CASZ1: variants seen among roughly 807,000 people sequenced by gnomAD.
The protein encoded by CASZ1 is castor zinc finger 1, also known as zinc finger protein castor homolog 1.
CASZ1 carries 28 observed loss-of-function variants against 135.2 expected under a neutral mutation model. The observed-to-expected ratio is 0.21, with a 90% CI of 0.15 to 0.28. The LOEUF is 0.28. CASZ1 is among the 10% of genes least tolerant of loss of function. The pLI, the probability that CASZ1 is intolerant of heterozygous loss-of-function variation, is 1.00. For missense variants in CASZ1, 2,161 were observed against 2,453.3 expected (o/e 0.88, Z 2.52); for synonymous variants, 1,068 against 1,073.4 (o/e 0.99, Z 0.10).
In CASZ1 at chr1:10,659,774, T is replaced by C. The variant is rs1329360985; in HGVS notation, c.1268A>G (p.Asn423Ser). The change falls in exon 6 of 21, where the codon AAC becomes AGC. Residue 423 changes from asparagine (N) to serine (S), a missense_variant. By Grantham distance (46) the Asn-to-Ser change is conservative. Around this residue, in one of 7 missense-constraint regions of CASZ1, gnomAD observed 590 missense variants for 609.8 expected, o/e 0.97. Coordinates refer to ENST00000377022, the MANE Select transcript of CASZ1 (RefSeq NM_001079843.3). The part of the protein sequence containing the change: ...GPEPPASLSF[N>S]TPEYLKSTFS... ...GGTTGACTTCAGGTACTCGGGAGTG[T>C]TGAAGGACAGGGAGGCAGGAGGCTC... is the stretch of plus-strand genomic sequence containing the variant. The C allele has an allele frequency of 5.0e-6, 8 of 1,613,778 alleles. No individual in the cohort carries two copies. Among genetic ancestry groups the C allele is most frequent in the Non-Finnish European group, 5.9e-6 (7 of 1,179,894 alleles).
chr1:10,771,681 C>T (rs368503857), intron 1 of CASZ1, among the ~76,000 whole-genome samples: 1 of 141,788 alleles, frequency 7.1e-6, no homozygotes, highest in African/African-American at 2.6e-5. Context: ...CCTCCTCCTC[C>T]TCTTCCTCCT....
Position 10,651,060 on chromosome 1 carries a change from G to A in CASZ1, c.2697C>T (p.Val899=). ...ATFDPGSGQQ[V]TPARFPPAQV... is the part of the protein sequence containing the mutation. Reference sequence around the variant, plus strand: ...GGGCCGGGGGGAACCTGGCTGGGGTGACCTGCTGCCCGCTTCCTGCAGGGG... The same window carrying A: ...GGGCCGGGGGGAACCTGGCTGGGGTAACCTGCTGCCCGCTTCCTGCAGGGG... Residue 899 remains valine, a synonymous_variant, in exon 12 of 21, where the codon GTC becomes GTT. Transcript: ENST00000377022. 3.9e-6 allele frequency: 6 copies of A among 1,534,748 alleles called. No homozygotes were observed. Among genetic ancestry groups the A allele is most frequent in the Non-Finnish European group, 5.2e-6 (6 of 1,149,464 alleles).
chr1:10,737,836 G>A (rs1639830248), intron 2 of CASZ1, among the ~76,000 whole-genome samples: 1 of 152,246 alleles, frequency 6.6e-6, no homozygotes, highest in African/African-American at 2.4e-5. Context: ...CCCACTCCAG[G>A]CCTGCTCTTC....
At position 10,724,582 on chromosome 1, in the gene CASZ1, G is replaced by A. The variant is rs1639561950; in HGVS notation, c.-76-19038C>T. ...GAGCCCAGGAATCACCTAGCCCTCA[G>A]GGGTAGGGGCTCAGGGAGTGGGAGC... On this transcript the variant is annotated intron_variant, in intron 2 of 20. Coordinates refer to ENST00000377022, the MANE Select transcript of CASZ1 (RefSeq NM_001079843.3). The surrounding 1 kb of genome is among the most constrained non-coding windows in gnomAD (Gnocchi z 4.1). 6.6e-6 allele frequency among the ~76,000 whole-genome samples: 1 copy of A among 152,204 alleles called. No homozygotes were observed. The highest frequency in any genetic ancestry group is 1.5e-5 in the Non-Finnish European group (1 of 68,028).
In CASZ1 at chr1:10,777,338, C is replaced by T. The variant is rs528084172; in HGVS notation, c.-233-16481G>A. 7.2e-5 allele frequency among the ~76,000 whole-genome samples: 11 copies of T among 152,282 alleles called. No homozygotes were observed. The highest frequency in any genetic ancestry group is 2.4e-4 in the African/African-American group (10 of 41,544). On this transcript the variant is annotated intron_variant, in intron 1 of 20. Coordinates refer to ENST00000377022, the MANE Select transcript of CASZ1 (RefSeq NM_001079843.3). This position sits in a 1 kb window ranked among gnomAD's most constrained non-coding sequence, Gnocchi z 4.4. The stretch of plus-strand genomic sequence containing the variant: ...GGGGCGTCCGAGTCCTGGGCCAGGC[C>T]ACCTCTGACCTCTGTGACTTCACCC...
intron 4 of CASZ1, among the ~76,000 whole-genome samples, chr1:10,681,944 C>T (rs975239574): frequency 6.6e-6 from 1 of 152,214 alleles, no homozygotes; most frequent in Non-Finnish European, 1.5e-5. Context: ...CCCAGTTGTT[C>T]GAACATTTCT....
In CASZ1 at chr1:10,699,556, A is replaced by G. The variant is rs951062079; in HGVS notation, c.-23-5644T>C. ...AAGTCTTGCTGGCAGCCCAGCACCC[A>G]GGGAGCCGGGAGCAGGTTTAATTTG... On this transcript the variant is annotated intron_variant, in intron 3 of 20. Transcript: ENST00000377022. This position sits in a 1 kb window ranked among gnomAD's most constrained non-coding sequence, Gnocchi z 4.6. Among the ~76,000 whole-genome samples, 1 of 152,248 alleles carries G rather than the reference A, an allele frequency of 6.6e-6. No homozygotes were observed. Among genetic ancestry groups the G allele is most frequent in the Non-Finnish European group, 1.5e-5 (1 of 68,048 alleles).
chr1:10,686,572 T>C (rs972293201), intron 4 of CASZ1, among the ~76,000 whole-genome samples: 2 of 152,162 alleles, frequency 1.3e-5, no homozygotes, highest in African/African-American at 4.8e-5. Context: ...TCACCTGGGC[T>C]TCCCCCCAGG....
rs1641019050 is a variant in CASZ1, at chr1:10,794,202, C to T, written c.-234+2362G>A. On this transcript the variant is annotated intron_variant, in intron 1 of 20. Coordinates refer to ENST00000377022, the MANE Select transcript of CASZ1 (RefSeq NM_001079843.3). The surrounding 1 kb of genome is among the most constrained non-coding windows in gnomAD (Gnocchi z 5.6). ...GTGTGTGTGTGTGTGTGTGTGTGCGCGCGCGCGCGCGTCGTGGGTTGGGCG... is the reference window on the plus strand; with the variant it reads ...GTGTGTGTGTGTGTGTGTGTGTGCGTGCGCGCGCGCGTCGTGGGTTGGGCG... Among the ~76,000 whole-genome samples the T allele has an allele frequency of 6.6e-6, 1 of 151,342 alleles. No individual in the cohort carries two copies. The highest frequency in any genetic ancestry group is 2.4e-5 in the African/African-American group (1 of 41,182).
chr1:10,715,350 G>A (rs926380334), intron 2 of CASZ1, among the ~76,000 whole-genome samples: 3 of 152,066 alleles, frequency 2.0e-5, no homozygotes, highest in Admixed American at 6.5e-5. Flanking sequence ...CTGTACCCGC[G>A]CTAGGCAGGA....
chr1:10,750,909 T>C (rs963746655), intron 2 of CASZ1, among the ~76,000 whole-genome samples: 3 of 149,866 alleles, frequency 2.0e-5, no homozygotes, highest in Admixed American at 6.7e-5. Flanking sequence ...AAAAAATATA[T>C]ATATATAAAT....
chr1:10,648,046 G>A lies in CASZ1; in HGVS notation c.3252C>T (p.Pro1084=). The A allele has an allele frequency of 1.2e-6, 2 of 1,600,278 alleles. No homozygotes were observed. The highest frequency in any genetic ancestry group is 2.2e-5 in the South Asian group (2 of 89,288). ...SAAETKPPMA[P]SSPPVPPVTT... is the part of the protein sequence containing the mutation. ...TGACAGGAGGGACCGGAGGGGACGA[G>A]GGGGCCATGGGAGGTTTGGTCTCGG... The change falls in exon 16 of 21, where the codon CCC becomes CCT. Residue 1084 remains proline (P), a synonymous_variant. Coordinates refer to ENST00000377022, the MANE Select transcript of CASZ1 (RefSeq NM_001079843.3).
At chr1:10,771,698 C>T (rs771240008) in intron 1 of CASZ1, among the ~76,000 whole-genome samples, 1 of 152,200 alleles carries the variant, frequency 6.6e-6, no homozygotes, top group African/African-American at 2.4e-5. Context: ...TCCTCCTCCT[C>T]ACCAGCCCAA....
In CASZ1 at chr1:10,794,361, C is replaced by T. The variant is rs1255198006; in HGVS notation, c.-234+2203G>A. On this transcript the variant is annotated intron_variant, in intron 1 of 20. Transcript: ENST00000377022. The surrounding 1 kb of genome is among the most constrained non-coding windows in gnomAD (Gnocchi z 5.6). ...GACTACCAGGGCCTTTTCCCCCTCG[C>T]CACCCCCTGAGTGTACCGGGTGTCG... Among the ~76,000 whole-genome samples, 1 of 152,166 alleles carries T rather than the reference C, an allele frequency of 6.6e-6. No individual in the cohort carries two copies. Among genetic ancestry groups the T allele is most frequent in the Non-Finnish European group, 1.5e-5 (1 of 68,016 alleles).
At chr1:10,795,493 C>A (rs74052506) in intron 1 of CASZ1, among the ~76,000 whole-genome samples, 1,666 of 152,292 alleles carry the variant, frequency 0.011, 36 homozygotes, top group African/African-American at 0.035. Context: ...TGCAGAGCCC[C>A]CCCGGAGCGC....
intron 4 of CASZ1, among the ~76,000 whole-genome samples, chr1:10,691,521 T>C (rs1638766431): frequency 1.3e-5 from 2 of 152,346 alleles, no homozygotes; most frequent in Non-Finnish European, 1.5e-5. Flanking sequence ...CAGCAGCCCT[T>C]CGAGGCCTGC....
At chr1:10,710,334 G>A (rs770583260) in intron 2 of CASZ1, among the ~76,000 whole-genome samples, 4 of 152,058 alleles carry the variant, frequency 2.6e-5, no homozygotes, top group Non-Finnish European at 5.9e-5. Context: ...GGCCCTGCCT[G>A]ACTCTCTCAA....
rs1342491666 is a variant in CASZ1, at chr1:10,697,796, C to CG, written c.-23-3885dup. On this transcript the variant is annotated intron_variant, in intron 3 of 20. Transcript: ENST00000377022. The surrounding 1 kb of genome is among the most constrained non-coding windows in gnomAD (Gnocchi z 4.7). ...CCCAATAAACTGGTTCCATCTGAGG[C>CG]GACTGGGCCAGGGCACAGAAGCCTT... Among the ~76,000 whole-genome samples, 3 of 152,270 alleles carry CG rather than the reference C, an allele frequency of 2.0e-5. No individual in the cohort carries two copies. The highest frequency in any genetic ancestry group is 4.8e-5 in the African/African-American group (2 of 41,468).
chr1:10,751,257 G>C (rs1194342925), intron 2 of CASZ1, among the ~76,000 whole-genome samples: 1 of 152,120 alleles, frequency 6.6e-6, no homozygotes, highest in Non-Finnish European at 1.5e-5. Flanking sequence ...TCTGATTAGA[G>C]GCCCTGAGGG....
Sources: gnomAD v4.1 joint callset for allele counts (sites outside exome capture counted in the v4.1 genomes callset) on GRCh38, gnomAD v4.1.1 for gene constraint, gnomAD v4.1.1 regional missense constraint, Gnocchi (gnomAD v3.1) non-coding constraint, MANE v1.5 for transcripts, NCBI Gene and HGNC (gene_info 2026-07-23, HGNC 2026-07-21) for gene names.